The following DMD variants were observed in gnomAD, a reference collection of about 807,000 sequenced individuals.
DMD encodes the protein mutant dystrophin.
DMD carries 63 observed loss-of-function variants against 330.1 expected under a neutral mutation model. That is an observed-to-expected ratio of 0.19 (90% CI 0.16 to 0.24). The LOEUF (loss-of-function observed/expected upper bound fraction) is 0.24. Ranked by LOEUF, DMD falls within the 10% of genes least tolerant of loss-of-function variation. The pLI is 1.00. For missense variants in DMD, 3,344 were observed against 2,684.1 expected (o/e 1.25, Z -5.43); for synonymous variants, 1,223 against 959.8 (o/e 1.27, Z -5.07).
intron 9 of DMD, among the ~76,000 whole-genome samples, chrX:32,646,433 G>C (rs2059788517): frequency 9.0e-6 from 1 of 111,294 alleles, no homozygotes; most frequent in Non-Finnish European, 1.9e-5. Context: ...ACAAATATTG[G>C]AGAAATATTT....
chrX:32,195,570 G>A (rs1410518918), intron 44 of DMD, among the ~76,000 whole-genome samples: 1 of 112,230 alleles, frequency 8.9e-6, no homozygotes, highest in African/African-American at 3.2e-5. Flanking sequence ...TTTCACATAC[G>A]TTTACATGCT....
At chrX:32,585,604 G>T (rs1465588910) in intron 13 of DMD, among the ~76,000 whole-genome samples, 1 of 101,223 alleles carries the variant, frequency 9.9e-6, no homozygotes, top group Non-Finnish European at 2.0e-5. Flanking sequence ...GGAGTCTGAG[G>T]TAGGAGAATG....
At chrX:32,537,605 G>A (rs1330104956) in intron 17 of DMD, among the ~76,000 whole-genome samples, 1 of 111,513 alleles carries the variant, frequency 9.0e-6, no homozygotes, top group East Asian at 2.8e-4. Flanking sequence ...GGAGCTCTCT[G>A]GCGACCTTGC....
At chrX:31,189,577 T>C (rs2042120306) in intron 67 of DMD, among the ~76,000 whole-genome samples, 3 of 111,363 alleles carry the variant, frequency 2.7e-5, no homozygotes, top group African/African-American at 9.8e-5. Context: ...GCCCAGTAAT[T>C]CTCAGATAAC....
At chrX:31,889,649 A>T (rs12014262) in intron 47 of DMD, among the ~76,000 whole-genome samples, 3,077 of 35,390 alleles carry the variant, frequency 0.087, 52 homozygotes, top group Middle Eastern at 0.12. Flanking sequence ...TCTCTCTCTC[A>T]CACACACACA....
intron 4 of DMD, among the ~76,000 whole-genome samples, chrX:32,825,671 C>A (rs1286843373): frequency 9.0e-6 from 1 of 111,653 alleles, no homozygotes; most frequent in Non-Finnish European, 1.9e-5. Flanking sequence ...GTACATACAA[C>A]GGAATATTTT....
intron 50 of DMD, among the ~76,000 whole-genome samples, chrX:31,787,601 G>T (rs760251330): frequency 9.0e-6 from 1 of 111,428 alleles, no homozygotes; most frequent in Non-Finnish European, 1.9e-5. Flanking sequence ...AGACCCATGA[G>T]CTTGACAAAT....
chrX:32,547,767 C>A (rs890245594), intron 16 of DMD, among the ~76,000 whole-genome samples: 4 of 111,088 alleles, frequency 3.6e-5, no homozygotes, highest in African/African-American at 1.3e-4. Flanking sequence ...CTGATTATTA[C>A]AGAGCTCACT....
intron 7 of DMD, among the ~76,000 whole-genome samples, chrX:32,731,757 T>C (rs889573084): frequency 5.4e-5 from 6 of 111,710 alleles, no homozygotes; most frequent in Non-Finnish European, 9.4e-5. Flanking sequence ...AAAAAACCCA[T>C]CTGGACGTCA....
chrX:32,020,159 A>T (rs1449733456), intron 44 of DMD, among the ~76,000 whole-genome samples: 1 of 112,537 alleles, frequency 8.9e-6, no homozygotes, highest in African/African-American at 3.2e-5. Flanking sequence ...TCTTTCTTTC[A>T]ATTAAAAGTT....
chrX:31,800,434 T>G (rs1466908438), intron 50 of DMD, among the ~76,000 whole-genome samples: 4 of 112,278 alleles, frequency 3.6e-5, no homozygotes, highest in African/African-American at 1.3e-4. Flanking sequence ...ACAGCTGGTA[T>G]GCAGGGCACG....
chrX:31,986,287 G>C (rs1603619152), intron 44 of DMD, among the ~76,000 whole-genome samples: 1 of 111,575 alleles, frequency 9.0e-6, no homozygotes, highest in East Asian at 2.8e-4. Context: ...TTAAATAAAA[G>C]ATGATAAAAT....
intron 56 of DMD, among the ~76,000 whole-genome samples, chrX:31,501,993 A>AAC (rs2070451550): frequency 9.0e-6 from 1 of 111,720 alleles, no homozygotes; most frequent in South Asian, 3.8e-4. Context: ...CTCATTTTTG[A>AAC]CAAAGGTGCC....
At chrX:31,382,488 A>G (rs1047256805) in intron 60 of DMD, among the ~76,000 whole-genome samples, 27 of 111,689 alleles carry the variant, frequency 2.4e-4, no homozygotes, top group Admixed American at 9.5e-4. Flanking sequence ...TCTTGGTGCT[A>G]TCCCCAAACC....
intron 47 of DMD, among the ~76,000 whole-genome samples, chrX:31,902,458 A>G (rs1458961480): frequency 8.9e-6 from 1 of 111,851 alleles, no homozygotes; most frequent in Non-Finnish European, 1.9e-5. Context: ...TCTGTGACTC[A>G]AATGAGCTAA....
intron 3 of DMD, among the ~76,000 whole-genome samples, chrX:32,846,695 A>G (rs2080701107): frequency 2.9e-5 from 3 of 103,026 alleles, no homozygotes; most frequent in Non-Finnish European, 5.9e-5. Context: ...TTTCCACCAA[A>G]AAGAGGAAAA....
intron 65 of DMD, among the ~76,000 whole-genome samples, 155 bp downstream of exon 65, chrX:31,209,343 A>G (rs1407605636): frequency 8.9e-6 from 1 of 111,826 alleles, no homozygotes; most frequent in Non-Finnish European, 1.9e-5. Flanking sequence ...TTATCAAAAT[A>G]TTTTTCAAGT....
At chrX:32,718,118 T>C (rs1006304185) in intron 7 of DMD, among the ~76,000 whole-genome samples, 53 of 110,812 alleles carry the variant, frequency 4.8e-4, no homozygotes, top group African/African-American at 1.7e-3. Context: ...GAAAGCATGA[T>C]TGTATTTTGA....
At chrX:32,559,787 T>C (rs971226849) in intron 16 of DMD, among the ~76,000 whole-genome samples, 1 of 112,187 alleles carries the variant, frequency 8.9e-6, no homozygotes, top group African/African-American at 3.2e-5. Flanking sequence ...TATATTACTA[T>C]TTGATAGGAG....
Sources: gnomAD v4.1 joint callset for allele counts (sites outside exome capture counted in the v4.1 genomes callset) on GRCh38, gnomAD v4.1.1 for gene constraint, MANE v1.5 for transcripts, NCBI Gene and HGNC (gene_info 2026-07-23, HGNC 2026-07-21) for gene names.